Variants in LSAMP observed in about 807,000 individuals in gnomAD.
The protein encoded by LSAMP is limbic system associated membrane protein.
Under a neutral mutation model 38.6 loss-of-function variants are expected in LSAMP, and 7 were observed. The ratio of observed to expected loss-of-function variants is 0.18; its 90% CI spans 0.10 to 0.34. The LOEUF (loss-of-function observed/expected upper bound fraction) is 0.34, where lower values mean the gene tolerates loss of function less well. Ranked by LOEUF, LSAMP falls within the 10% of genes least tolerant of loss-of-function variation. The pLI is 1.00. For missense variants in LSAMP, 313 were observed against 420.0 expected (o/e 0.75, Z 2.23); for synonymous variants, 154 against 166.8 (o/e 0.92, Z 0.59).
Position 116,108,767 on chromosome 3 carries a change from T to C in LSAMP, c.156-22211A>G, listed in dbSNP as rs539189897. 5.7e-3 allele frequency among the ~76,000 whole-genome samples: 864 copies of C among 152,318 alleles called. 8 individuals carry two copies. Among genetic ancestry groups the C allele is most frequent in the African/African-American group, 0.019 (789 of 41,566 alleles). On this transcript the variant is annotated intron_variant, in intron 1 of 6. Coordinates refer to ENST00000490035, the MANE Select transcript of LSAMP (RefSeq NM_002338.5). The stretch of plus-strand genomic sequence containing the variant: ...TTCCTTGGCCTGGTGGTCAGATTTC[T>C]GGCACTTGTAGCAAGCTCCTGGGGG...
intron 1 of LSAMP, among the ~76,000 whole-genome samples, chr3:116,198,092 G>A (rs1327630872): frequency 1.3e-5 from 2 of 152,124 alleles, no homozygotes; most frequent in African/African-American, 4.8e-5. Context: ...AAAAAAATGA[G>A]GAAAGATGAC....
At chr3:116,160,936 T>C (rs1330826169) in intron 1 of LSAMP, among the ~76,000 whole-genome samples, 1 of 152,234 alleles carries the variant, frequency 6.6e-6, no homozygotes, top group Admixed American at 6.5e-5. Context: ...AATAATACTT[T>C]ACATTGTTTT....
At chr3:115,974,045 G>C (rs1939105478) in intron 3 of LSAMP, among the ~76,000 whole-genome samples, 1 of 152,016 alleles carries the variant, frequency 6.6e-6, no homozygotes, top group Non-Finnish European at 1.5e-5. Flanking sequence ...TATGTTTTGT[G>C]GGTAAAATTG....
rs1021057369 is a variant in LSAMP at position 116,304,140 on chromosome 3, G to A, written c.155+140737C>T. ...AGTTCAACAAAGATACTTAGCTATC[G>A]CTATGTGCCACATGTTGAGGACCAA... On this transcript the variant is annotated intron_variant, in intron 1 of 6. Transcript: ENST00000490035. Among the ~76,000 whole-genome samples, 25 of 152,136 alleles carry A rather than the reference G, an allele frequency of 1.6e-4. 1 individual carries two copies. The highest frequency in any genetic ancestry group is 3.9e-4 in the Admixed American group (6 of 15,266).
At chr3:116,321,629 T>C (rs2047708008) in intron 1 of LSAMP, among the ~76,000 whole-genome samples, 1 of 152,186 alleles carries the variant, frequency 6.6e-6, no homozygotes, top group Non-Finnish European at 1.5e-5. Flanking sequence ...TGATGAAACC[T>C]GGGTTCAAAT....
At chr3:116,146,736 A>G (rs1016142815) in intron 1 of LSAMP, among the ~76,000 whole-genome samples, 1 of 151,890 alleles carries the variant, frequency 6.6e-6, no homozygotes, top group Non-Finnish European at 1.5e-5. Flanking sequence ...TAACTAAAGG[A>G]TTGTCAAATA....
intron 3 of LSAMP, among the ~76,000 whole-genome samples, chr3:115,930,730 A>G (rs1311582203): frequency 6.6e-6 from 1 of 152,032 alleles, no homozygotes; most frequent in African/African-American, 2.4e-5. Context: ...TCAAATGCTA[A>G]CCTTTGCATT....
chr3:116,108,105 G>GT (rs1708510031), intron 1 of LSAMP, among the ~76,000 whole-genome samples: 1 of 152,122 alleles, frequency 6.6e-6, no homozygotes, highest in African/African-American at 2.4e-5. Context: ...TAATGAGATG[G>GT]TAAGGGGTGC....
intron 1 of LSAMP, among the ~76,000 whole-genome samples, chr3:116,333,733 C>T (rs1043297783): frequency 6.6e-6 from 1 of 151,492 alleles, no homozygotes; most frequent in Non-Finnish European, 1.5e-5. Flanking sequence ...AATATAAATA[C>T]AATACATCAA....
At chr3:116,261,341 C>T (rs920820133) in intron 1 of LSAMP, among the ~76,000 whole-genome samples, 2 of 152,182 alleles carry the variant, frequency 1.3e-5, no homozygotes, top group Non-Finnish European at 2.9e-5. Flanking sequence ...GCTCACCTTA[C>T]CTTATAAATA....
intron 3 of LSAMP, among the ~76,000 whole-genome samples, chr3:115,884,285 A>G (rs1410693479): frequency 6.6e-6 from 1 of 152,066 alleles, no homozygotes; most frequent in Non-Finnish European, 1.5e-5. Flanking sequence ...AGATGTTCTT[A>G]GAGAACAATC....
intron 6 of LSAMP, among the ~76,000 whole-genome samples, chr3:115,832,942 T>C (rs1469599775): frequency 2.6e-5 from 4 of 152,160 alleles, no homozygotes; most frequent in Non-Finnish European, 5.9e-5. Context: ...TTGTGAATGG[T>C]GTCTGGCTTC....
intron 1 of LSAMP, among the ~76,000 whole-genome samples, chr3:116,125,815 G>A (rs1708996298): frequency 1.3e-5 from 2 of 152,128 alleles, no homozygotes; most frequent in Non-Finnish European, 2.9e-5. Context: ...AATGAAAACT[G>A]AAAAAGATTT....
chr3:115,829,687 C>T (rs1491001981), intron 6 of LSAMP, among the ~76,000 whole-genome samples: 1 of 152,026 alleles, frequency 6.6e-6, no homozygotes, highest in Non-Finnish European at 1.5e-5. Context: ...GCCACACAAC[C>T]AGGAACTGTG....
intron 1 of LSAMP, among the ~76,000 whole-genome samples, chr3:116,110,726 A>G (rs985921325): frequency 3.3e-5 from 5 of 152,166 alleles, no homozygotes; most frequent in African/African-American, 1.2e-4. Flanking sequence ...GATCTTTCTC[A>G]CGGAGCAAAG....
chr3:116,014,346 A>C (rs1367023165), intron 3 of LSAMP, among the ~76,000 whole-genome samples: 2 of 152,184 alleles, frequency 1.3e-5, no homozygotes, highest in African/African-American at 4.8e-5. Context: ...AAATTGTGAG[A>C]TGGAGGTCAA....
intron 1 of LSAMP, among the ~76,000 whole-genome samples, chr3:116,330,674 A>G (rs1406196062): frequency 6.6e-6 from 1 of 152,214 alleles, no homozygotes; most frequent in African/African-American, 2.4e-5. Flanking sequence ...ATGCCCAGGC[A>G]AAAACACAGG....
In LSAMP at chr3:116,103,238, G is replaced by C. The variant is rs547900600; in HGVS notation, c.156-16682C>G. On this transcript the variant is annotated intron_variant, in intron 1 of 6. Transcript: ENST00000490035. ...CCCAGCATTTTGGGAGGCCCAGGTGGGCAGATCACTTGAGGCCAGGAATTT... is the reference window on the plus strand; with the variant it reads ...CCCAGCATTTTGGGAGGCCCAGGTGCGCAGATCACTTGAGGCCAGGAATTT... Among the ~76,000 whole-genome samples, 8 of 152,074 alleles carry C rather than the reference G, an allele frequency of 5.3e-5. No individual in the cohort carries two copies. In the East Asian group the frequency reaches 1.4e-3, roughly 26 times the overall value.
chr3:115,862,522 T>G (rs1404760434), intron 3 of LSAMP, among the ~76,000 whole-genome samples: 1 of 152,226 alleles, frequency 6.6e-6, no homozygotes, highest in Non-Finnish European at 1.5e-5. Flanking sequence ...CAGTGCTGAA[T>G]GAGTTATTTG....
Sources: allele counts gnomAD v4.1 joint callset (sites outside exome capture counted in the v4.1 genomes callset), GRCh38; gene constraint gnomAD v4.1.1; transcripts MANE v1.5; gene names NCBI Gene and HGNC (gene_info 2026-07-23, HGNC 2026-07-21).